Variants in EXOC6B observed in about 807,000 individuals in gnomAD.
The protein encoded by EXOC6B is exocyst complex component 6B.
A neutral mutation model predicts 113.5 loss-of-function variants in EXOC6B; 54 were observed. That is an observed-to-expected ratio of 0.48 (90% CI 0.38 to 0.60). The LOEUF is 0.60. EXOC6B is among the 20% of genes least tolerant of loss of function. EXOC6B has a pLI of 0.00. For missense variants in EXOC6B, 797 were observed against 977.5 expected (o/e 0.82, Z 2.46); for synonymous variants, 357 against 339.0 (o/e 1.05, Z -0.58).
chr2:72,184,210 C>A, intron 20 of EXOC6B, 23 bp from the exon 21 acceptor site: 3 of 1,324,558 alleles, frequency 2.3e-6, no homozygotes, highest in Non-Finnish European at 3.2e-6. Context: ...CAAACCCCAC[C>A]CCAGGGATTA....
chr2:72,541,307 G>A (rs889048705), intron 8 of EXOC6B, among the ~76,000 whole-genome samples: 1 of 152,096 alleles, frequency 6.6e-6, no homozygotes, highest in Admixed American at 6.5e-5. Flanking sequence ...TCCCAGTCTT[G>A]GGTTATGTCT....
At chr2:72,770,040 GA>G (rs1370044983) in intron 1 of EXOC6B, among the ~76,000 whole-genome samples, 27 of 152,016 alleles carry the variant, frequency 1.8e-4, no homozygotes. Context: ...GCTAAAATTT[GA>G]ATATACAATA....
chr2:72,498,369 CATCT>C, intron 13 of EXOC6B, 81 bp downstream of exon 13: 1 of 842,546 alleles, frequency 1.2e-6, no homozygotes, highest in East Asian at 2.7e-5. Flanking sequence ...TTGCCTATAA[CATCT>C]GAAAACCTTT....
chr2:72,307,506 C>A (rs1686952534), intron 20 of EXOC6B, among the ~76,000 whole-genome samples: 1 of 152,078 alleles, frequency 6.6e-6, no homozygotes, highest in Non-Finnish European at 1.5e-5. Flanking sequence ...TCTTTGGTGT[C>A]TTCAAATGCA....
intron 18 of EXOC6B, among the ~76,000 whole-genome samples, chr2:72,429,683 TG>T (rs1386539682): frequency 2.0e-5 from 3 of 152,248 alleles, no homozygotes; most frequent in African/African-American, 7.2e-5. Flanking sequence ...GAAACAGTTT[TG>T]GTTGTCACAA....
At chr2:72,739,545 C>T (rs1681174708) in intron 2 of EXOC6B, among the ~76,000 whole-genome samples, 1 of 151,966 alleles carries the variant, frequency 6.6e-6, no homozygotes, top group African/African-American at 2.4e-5. Context: ...AATGTTGTTA[C>T]ATCTCTCAAT....
chr2:72,375,771 TAAAC>T (rs1365936605), intron 19 of EXOC6B, among the ~76,000 whole-genome samples: 3 of 151,774 alleles, frequency 2.0e-5, no homozygotes, highest in East Asian at 3.9e-4. Context: ...GAAGAGCAAA[TAAAC>T]AAAAAGTAAG....
At chr2:72,378,578 A>G (rs1037617119) in intron 19 of EXOC6B, among the ~76,000 whole-genome samples, 2 of 152,170 alleles carry the variant, frequency 1.3e-5, no homozygotes, top group East Asian at 1.9e-4. Context: ...TAACTTTGAT[A>G]CCTTTTACTC....
chr2:72,573,882 G>A (rs577567454), intron 7 of EXOC6B, among the ~76,000 whole-genome samples: 2 of 152,120 alleles, frequency 1.3e-5, no homozygotes, highest in Non-Finnish European at 2.9e-5. Context: ...TTAGGAGTCC[G>A]AGTCGGGTGG....
intron 1 of EXOC6B, among the ~76,000 whole-genome samples, chr2:72,768,041 C>T (rs1041742045): frequency 6.8e-6 from 1 of 146,804 alleles, no homozygotes; most frequent in Admixed American, 6.8e-5. Context: ...CACATGAACC[C>T]GGGAGGCAGA....
At chr2:72,183,529 C>G (rs1678224516) in intron 21 of EXOC6B, among the ~76,000 whole-genome samples, 1 of 152,184 alleles carries the variant, frequency 6.6e-6, no homozygotes, top group Admixed American at 6.5e-5. Flanking sequence ...AATTAGACAC[C>G]TTCTCCAACA....
intron 5 of EXOC6B, among the ~76,000 whole-genome samples, chr2:72,730,184 C>G (rs1168076410): frequency 1.3e-5 from 2 of 152,138 alleles, no homozygotes; most frequent in Admixed American, 6.5e-5. Flanking sequence ...TCACCCTTCC[C>G]CTTTACAATA....
In EXOC6B at chr2:72,784,383, G is replaced by A. The variant is rs150988968; in HGVS notation, c.113+41415C>T. 3.3e-4 allele frequency among the ~76,000 whole-genome samples: 50 copies of A among 152,286 alleles called. No individual in the cohort carries two copies. In the East Asian group the frequency reaches 7.7e-3, roughly 23 times the overall value. On this transcript the variant is annotated intron_variant, in intron 1 of 21. Transcript: ENST00000272427. ...TGTTTTTTCTATTTATATGAAAAATGACATTGATACTTTGATAAGGATTGC... is the reference window on the plus strand; with the variant it reads ...TGTTTTTTCTATTTATATGAAAAATAACATTGATACTTTGATAAGGATTGC...
At chr2:72,275,030 A>C (rs1269861331) in intron 20 of EXOC6B, among the ~76,000 whole-genome samples, 3 of 152,188 alleles carry the variant, frequency 2.0e-5, no homozygotes, top group Non-Finnish European at 4.4e-5. Flanking sequence ...GCCAGTCTAA[A>C]GCAGTGACCA....
chr2:72,446,319 C>T (rs620770), intron 18 of EXOC6B, among the ~76,000 whole-genome samples: 56,277 of 150,910 alleles, frequency 0.37, 15,731 homozygotes, highest in African/African-American at 0.79. Context: ...GTGGAGGCCG[C>T]GGTGAGCCAA....
At chr2:72,695,618 G>A (rs1189255420) in intron 6 of EXOC6B, among the ~76,000 whole-genome samples, 1 of 151,822 alleles carries the variant, frequency 6.6e-6, no homozygotes, top group Non-Finnish European at 1.5e-5. Context: ...TGAAAGTCAG[G>A]ATCTCCCTAA....
chr2:72,202,399 T>C (rs1232477964), intron 20 of EXOC6B, among the ~76,000 whole-genome samples: 2 of 152,238 alleles, frequency 1.3e-5, no homozygotes, highest in Non-Finnish European at 2.9e-5. Flanking sequence ...CAATGTAATA[T>C]AGACAGCAGC....
At chr2:72,776,313 C>T (rs1004470925) in intron 1 of EXOC6B, among the ~76,000 whole-genome samples, 1 of 152,108 alleles carries the variant, frequency 6.6e-6, no homozygotes, top group Admixed American at 6.6e-5. Context: ...GTCGATTTTA[C>T]TAAATAAAAT....
chr2:72,667,694 C>G (rs1675491237), intron 6 of EXOC6B, among the ~76,000 whole-genome samples: 1 of 152,122 alleles, frequency 6.6e-6, no homozygotes, highest in East Asian at 1.9e-4. Flanking sequence ...AAACTGGACC[C>G]CTACCTTTCA....
Sources: gnomAD v4.1 joint callset for allele counts (sites outside exome capture counted in the v4.1 genomes callset) on GRCh38, gnomAD v4.1.1 for gene constraint, MANE v1.5 for transcripts, NCBI Gene and HGNC (gene_info 2026-07-23, HGNC 2026-07-21) for gene names.